OR51B5: variants seen among roughly 807,000 people sequenced by gnomAD.
OR51B5 encodes the protein olfactory receptor 51B5.
For synonymous variants in OR51B5, 186 were observed against 144.8 expected, an observed-to-expected ratio of 1.28 and a Z score of -2.04; for missense variants, 456 against 374.6, an observed-to-expected ratio of 1.22 and a Z score of -1.79.
chr11:5,471,949 T>G (rs184319088), intron 1 of OR51B5, among the ~76,000 whole-genome samples: 3 of 152,126 alleles, frequency 2.0e-5, no homozygotes, highest in African/African-American at 7.2e-5. Context: ...AAGAGGGACA[T>G]TGAGGGGCTG....
intron 1 of OR51B5, among the ~76,000 whole-genome samples, chr11:5,396,320 C>T (rs148609408): frequency 0.053 from 8,143 of 152,240 alleles, 220 homozygotes; most frequent in African/African-American, 0.061. Flanking sequence ...TCTAGAAAAC[C>T]CCATTGTCTC....
rs1271841129 is a variant in OR51B5, at chr11:5,453,690, T to C, written n.84+51879A>G. On this transcript the variant is annotated intron_variant and non_coding_transcript_variant, in intron 1 of 4. Coordinates refer to the OR51B5 transcript ENST00000415970. ...GTACTACTTCCTGTCCATGTTGTCC[T>C]TCAGTGATGTGGCCATATCCATGGC... 1 of 1,613,786 alleles carries C rather than the reference T, an allele frequency of 6.2e-7. No individual in the cohort carries two copies. The highest frequency in any genetic ancestry group is 1.1e-5 in the South Asian group (1 of 91,032).
chr11:5,400,905 TG>T (rs1436811438), intron 1 of OR51B5, among the ~76,000 whole-genome samples: 2 of 152,202 alleles, frequency 1.3e-5, no homozygotes, highest in Non-Finnish European at 2.9e-5. Flanking sequence ...AGTGGCTGAA[TG>T]GAAAGTTCAT....
intron 1 of OR51B5, among the ~76,000 whole-genome samples, chr11:5,451,134 C>A (rs1850841280): frequency 6.6e-6 from 1 of 152,172 alleles, no homozygotes; most frequent in Admixed American, 6.5e-5. Context: ...TATTCATTTT[C>A]TTTCTCAGTA....
intron 1 of OR51B5, among the ~76,000 whole-genome samples, chr11:5,448,808 T>C (rs1185764522): frequency 6.6e-6 from 1 of 152,194 alleles, no homozygotes; most frequent in African/African-American, 2.4e-5. Context: ...GAAGAAAGGA[T>C]GTAGCTCTGA....
chr11:5,462,378 G>T (rs1335995632), intron 1 of OR51B5, among the ~76,000 whole-genome samples: 1 of 152,204 alleles, frequency 6.6e-6, no homozygotes, highest in Non-Finnish European at 1.5e-5. Context: ...GGGAAGAGGG[G>T]AAAGGCGAAA....
At chr11:5,413,952 G>A (rs1406307244) in intron 1 of OR51B5, among the ~76,000 whole-genome samples, 1 of 146,688 alleles carries the variant, frequency 6.8e-6, no homozygotes, top group Non-Finnish European at 1.5e-5. Flanking sequence ...GATACTCCTC[G>A]AGAAGAGCAA....
intron 1 of OR51B5, among the ~76,000 whole-genome samples, chr11:5,385,748 TG>T (rs1849680771): frequency 9.9e-6 from 1 of 100,956 alleles, no homozygotes; most frequent in African/African-American, 4.4e-5. Flanking sequence ...TTTGTATATT[TG>T]TTTACATATA....
chr11:5,351,900 C>G (rs1369508465), intron 1 of OR51B5: 1 of 1,613,162 alleles, frequency 6.2e-7, no homozygotes, highest in East Asian at 2.2e-5. Context: ...TAAGATATAC[C>G]TCTATCCTGA....
chr11:5,376,729 G>C (rs188498817), intron 1 of OR51B5, among the ~76,000 whole-genome samples: 38,669 of 150,688 alleles, frequency 0.26, 5,162 homozygotes, highest in African/African-American at 0.29. Flanking sequence ...ATAAATTCCT[G>C]GACACATACA....
chr11:5,364,740 A>C (rs530849564), intron 1 of OR51B5, among the ~76,000 whole-genome samples: 1 of 152,286 alleles, frequency 6.6e-6, no homozygotes, highest in Admixed American at 6.5e-5. Context: ...CTTCAAAGTG[A>C]ATGATCAAAG....
intron 1 of OR51B5, among the ~76,000 whole-genome samples, chr11:5,377,770 C>T (rs1459689002): frequency 7.1e-6 from 1 of 141,382 alleles, no homozygotes; most frequent in Non-Finnish European, 1.6e-5. Flanking sequence ...TGAAGGACCT[C>T]TTCAAGGAGA....
intron 1 of OR51B5, chr11:5,453,677 G>T: frequency 6.2e-7 from 1 of 1,613,446 alleles, no homozygotes; most frequent in Non-Finnish European, 8.5e-7. Flanking sequence ...ACTACTTCCT[G>T]TCCATGTTGT....
intron 1 of OR51B5, chr11:5,403,199 G>C (rs1279262309): frequency 2.1e-6 from 1 of 471,152 alleles, no homozygotes; most frequent in Non-Finnish European, 4.4e-6. Context: ...ATATCTATGG[G>C]ATTTTCATTG....
intron 1 of OR51B5, among the ~76,000 whole-genome samples, chr11:5,466,268 A>C (rs566317117): frequency 7.0e-4 from 107 of 152,338 alleles, no homozygotes; most frequent in African/African-American, 2.5e-3. Context: ...TTAGGGAATT[A>C]GGCAATACTC....
intron 1 of OR51B5, among the ~76,000 whole-genome samples, chr11:5,444,655 G>A (rs1227104150): frequency 6.6e-6 from 1 of 152,144 alleles, no homozygotes; most frequent in Non-Finnish European, 1.5e-5. Flanking sequence ...TATGCTGTGG[G>A]TACAGCTGGC....
intron 1 of OR51B5, among the ~76,000 whole-genome samples, chr11:5,419,236 G>A (rs1326103526): frequency 6.6e-6 from 1 of 152,118 alleles, no homozygotes; most frequent in African/African-American, 2.4e-5. Flanking sequence ...TACTCATAGT[G>A]CCCAATTTAT....
At chr11:5,348,503 T>C (rs1350004704), upstream of OR51B5, among the ~76,000 whole-genome samples, 1 of 152,140 alleles carries the variant, frequency 6.6e-6, no homozygotes, top group Non-Finnish European at 1.5e-5. Flanking sequence ...AAAGTCACTA[T>C]CTGACCATAT....
At chr11:5,360,349 T>A (rs78750206) in intron 1 of OR51B5, among the ~76,000 whole-genome samples, 34,961 of 151,312 alleles carry the variant, frequency 0.23, 4,290 homozygotes, top group Non-Finnish European at 0.26. Context: ...CAGACACTTC[T>A]CAAAAGAAGA....
Sources: gnomAD v4.1 joint callset for allele counts (sites outside exome capture counted in the v4.1 genomes callset) on GRCh38, gnomAD v4.1.1 for gene constraint, MANE v1.5 for transcripts, NCBI Gene and HGNC (gene_info 2026-07-23, HGNC 2026-07-21) for gene names.